Variants in ZNF721 observed in about 807,000 individuals in gnomAD.
ZNF721 encodes zinc finger protein 721.
In ZNF721, 2 loss-of-function variants were observed where a neutral mutation model predicts 2.4. The observed-to-expected ratio is 0.82, with a 90% confidence interval of 0.34 to 2.58. The LOEUF (loss-of-function observed/expected upper bound fraction) is 2.58. Among genes scored for constraint, ZNF721 ranks in the 30% most tolerant of loss-of-function variants. ZNF721 has a pLI of 0.11. For missense variants in ZNF721, 1,187 were observed against 1,085.5 expected (o/e 1.09, Z -1.31); for synonymous variants, 398 against 381.8 (o/e 1.04, Z -0.50).
intron 1 of ZNF721, among the ~76,000 whole-genome samples, chr4:485,736 G>A (rs1715878150): frequency 6.6e-6 from 1 of 152,166 alleles, no homozygotes; most frequent in African/African-American, 2.4e-5. Flanking sequence ...AGCACTTTGG[G>A]AGGCCGAGGC....
intron 2 of ZNF721, among the ~76,000 whole-genome samples, chr4:458,034 T>A (rs192440963): frequency 6.6e-6 from 1 of 152,330 alleles, no homozygotes; most frequent in Admixed American, 6.5e-5. Context: ...CTCTTAGCTG[T>A]GATCAAGGGT....
chr4:473,982 A>G (rs1553868167), intron 1 of ZNF721: 6 of 1,506,976 alleles, frequency 4.0e-6, no homozygotes, highest in Non-Finnish European at 5.4e-6. Flanking sequence ...CACACTCACC[A>G]TTTCTCAGCT....
In ZNF721 at chr4:499,137, C is replaced by G; in HGVS notation, c.-175G>C. ...GGAACACCGCCCGCTGTTCGTATGTCCGAGGTGACGCCCCGCTGTGGCGGG... is the reference window on the plus strand; with the variant it reads ...GGAACACCGCCCGCTGTTCGTATGTGCGAGGTGACGCCCCGCTGTGGCGGG... On this transcript the variant is annotated 5_prime_UTR_variant, in exon 1 of 3. Transcript: ENST00000511833. 1 of 599,968 alleles carries G rather than the reference C, an allele frequency of 1.7e-6. No individual in the cohort carries two copies. The highest frequency in any genetic ancestry group is 3.1e-5 in the East Asian group (1 of 32,072). The allele number at this position is 599,968 out of a possible 1,614,324, so 37.2% of individuals were successfully genotyped here. A position where few individuals can be genotyped will look rare whatever the true frequency, so the allele number is the denominator to read the frequency against.
intron 2 of ZNF721, among the ~76,000 whole-genome samples, chr4:447,255 G>A (rs916236056): frequency 6.6e-6 from 1 of 152,058 alleles, no homozygotes; most frequent in Non-Finnish European, 1.5e-5. Context: ...CCAGGAGGCA[G>A]AGCTTGCAGT....
At chr4:453,909 G>C (rs797040744) in intron 2 of ZNF721, 1 of 152,082 alleles carries the variant, frequency 6.6e-6, no homozygotes, top group African/African-American at 2.4e-5. Flanking sequence ...TGCCCAATAT[G>C]CCTGGAACGG....
intron 2 of ZNF721, among the ~76,000 whole-genome samples, chr4:467,570 T>C (rs6848478): frequency 0.15 from 22,667 of 152,262 alleles, 2,345 homozygotes; most frequent in African/African-American, 0.29. Flanking sequence ...CCAGAGCCCA[T>C]AGACATGGCT....
At chr4:493,457 T>A (rs183208183) in intron 1 of ZNF721, among the ~76,000 whole-genome samples, 1 of 152,290 alleles carries the variant, frequency 6.6e-6, no homozygotes, top group Non-Finnish European at 1.5e-5. Context: ...GGCAGGTGGG[T>A]CACCTACGGT....
chr4:470,734 A>C (rs1294669426), intron 2 of ZNF721, among the ~76,000 whole-genome samples: 3 of 151,976 alleles, frequency 2.0e-5, no homozygotes, highest in Non-Finnish European at 4.4e-5. Context: ...AATAAAATAA[A>C]ATAGAAGGCT....
intron 2 of ZNF721, among the ~76,000 whole-genome samples, chr4:449,258 G>GT (rs1459235693): frequency 2.6e-5 from 4 of 152,092 alleles, no homozygotes; most frequent in Non-Finnish European, 5.9e-5. Context: ...AGGTATGACA[G>GT]TTTTGGAAAT....
intron 1 of ZNF721, among the ~76,000 whole-genome samples, chr4:488,419 G>A (rs782232483): frequency 2.0e-5 from 3 of 152,202 alleles, no homozygotes; most frequent in Non-Finnish European, 2.9e-5. Context: ...CAAGAAGTTT[G>A]CCTTTAATCT....
intron 1 of ZNF721, among the ~76,000 whole-genome samples, chr4:496,707 C>CTTTTTTTTTTTT (rs781947891): frequency 1.4e-4 from 12 of 83,886 alleles, no homozygotes; most frequent in African/African-American, 4.7e-4. Context: ...TACATGACTT[C>CTTTTTTTTTTTT]TTTTTTTTTT....
In ZNF721 at chr4:443,857, A is replaced by G. The variant is rs1438914350; in HGVS notation, c.610T>C (p.Trp204Arg). 2 of 1,613,804 alleles carry G rather than the reference A, an allele frequency of 1.2e-6. No homozygotes were observed. The highest frequency in any genetic ancestry group is 2.7e-5 in the African/African-American group (2 of 74,910). Residue 204 changes from tryptophan to arginine, a missense_variant, in exon 3 of 3, where the codon TGG becomes CGG. Physicochemically the swap from Trp to Arg is moderately radical, Grantham distance 101. Transcript: ENST00000511833. ...TTATATTCATTCAGGTTTGTGGACC[A>G]TCCAAAGGCTCTGTCACGATCTTCA... is the stretch of plus-strand genomic sequence containing the variant. ...TGEDRDRAFG[W>R]STNLNEYKKI...
At chr4:481,301 A>G (rs1396074424) in intron 1 of ZNF721, among the ~76,000 whole-genome samples, 4 of 152,194 alleles carry the variant, frequency 2.6e-5, no homozygotes, top group African/African-American at 7.2e-5. Context: ...CCAACAGTGC[A>G]TGGGGGTTCC....
At chr4:499,023 C>T (rs1256667401) in intron 1 of ZNF721, 33 bp downstream of exon 1, 4 of 413,854 alleles carry the variant, frequency 9.7e-6, no homozygotes, top group Non-Finnish European at 1.7e-5. Flanking sequence ...TGCACCCTGC[C>T]TTCCAAATTA....
chr4:495,185 AT>A (rs1395596974), intron 1 of ZNF721, among the ~76,000 whole-genome samples: 2 of 151,198 alleles, frequency 1.3e-5, no homozygotes, highest in East Asian at 1.9e-4. Flanking sequence ...CCCAGCCTAA[AT>A]TTTTTTTTAA....
At chr4:481,580 T>C (rs1350190213) in intron 1 of ZNF721, among the ~76,000 whole-genome samples, 3 of 151,746 alleles carry the variant, frequency 2.0e-5, no homozygotes, top group East Asian at 1.9e-4. Flanking sequence ...TCTTTCTTTT[T>C]TTTTTTTTTT....
At chr4:484,558 A>G (rs782781446) in intron 1 of ZNF721, among the ~76,000 whole-genome samples, 1 of 152,226 alleles carries the variant, frequency 6.6e-6, no homozygotes, top group South Asian at 2.1e-4. Context: ...GCCTGGAGGT[A>G]TAGGCTTATA....
intron 1 of ZNF721, among the ~76,000 whole-genome samples, chr4:487,720 G>A (rs1715931578): frequency 6.6e-6 from 1 of 152,152 alleles, no homozygotes; most frequent in Non-Finnish European, 1.5e-5. Context: ...ACAGAAGTGA[G>A]GCAGGAGAAT....
chr4:461,614 T>C (rs766512995), intron 2 of ZNF721, among the ~76,000 whole-genome samples: 12 of 152,216 alleles, frequency 7.9e-5, no homozygotes, highest in Non-Finnish European at 1.5e-4. Context: ...GGCTCATGCC[T>C]GTAATCCCAG....
Sources: allele counts gnomAD v4.1 joint callset (sites outside exome capture counted in the v4.1 genomes callset), GRCh38; gene constraint gnomAD v4.1.1; transcripts MANE v1.5; gene names NCBI Gene and HGNC (gene_info 2026-07-23, HGNC 2026-07-21).